VPS39: variants seen among roughly 807,000 people sequenced by gnomAD.
VPS39 encodes VPS39 subunit of HOPS complex.
A neutral mutation model predicts 121.0 loss-of-function variants in VPS39; 70 were observed. The ratio of observed to expected loss-of-function variants is 0.58; its 90% CI spans 0.48 to 0.71. The LOEUF is 0.71. Among genes scored for constraint, VPS39 ranks in the 30% least tolerant of loss-of-function variants. The pLI, the probability that VPS39 is intolerant of heterozygous loss-of-function variation, is 0.00. For missense variants in VPS39, 818 were observed against 1,051.5 expected (o/e 0.78, Z 3.07); for synonymous variants, 378 against 398.1 (o/e 0.95, Z 0.60).
intron 1 of VPS39, among the ~76,000 whole-genome samples, chr15:42,202,660 C>A (rs150531932): frequency 6.6e-6 from 1 of 152,196 alleles, no homozygotes; most frequent in Non-Finnish European, 1.5e-5. Flanking sequence ...CTCTGTCCCC[C>A]AAATCCCTGC....
At chr15:42,163,816 C>T in intron 19 of VPS39, 88 bp from the exon 20 acceptor site, 1 of 852,840 alleles carries the variant, frequency 1.2e-6, no homozygotes, top group South Asian at 1.8e-5. Context: ...GGACACGAGG[C>T]AATATAAAGG....
At chr15:42,204,178 G>A (rs1595690311) in intron 1 of VPS39, among the ~76,000 whole-genome samples, 1 of 152,196 alleles carries the variant, frequency 6.6e-6, no homozygotes, top group Non-Finnish European at 1.5e-5. Context: ...TAAGATAGTA[G>A]TCACTTCCCT....
rs531849209 is a variant in VPS39, at chr15:42,179,315, A to G, written c.719-745T>C. 3.9e-5 allele frequency among the ~76,000 whole-genome samples: 6 copies of G among 152,120 alleles called. No homozygotes were observed. In the South Asian group the frequency reaches 1.0e-3, roughly 26 times the overall value. On this transcript the variant is annotated intron_variant, in intron 8 of 24. Transcript: ENST00000318006. ...CCGGGTGCAGTGGCTCACGCCTGTA[A>G]TCCTAGCACTTTGGGAGGCTGAGGC...
intron 1 of VPS39, among the ~76,000 whole-genome samples, chr15:42,205,187 T>C (rs904045726): frequency 6.6e-6 from 1 of 152,262 alleles, no homozygotes; most frequent in Middle Eastern, 3.4e-3. Flanking sequence ...GATATAGCAA[T>C]GCAGAAAACA....
intron 4 of VPS39, among the ~76,000 whole-genome samples, chr15:42,190,021 C>G (rs1022932833): frequency 6.6e-6 from 1 of 151,840 alleles, no homozygotes; most frequent in Admixed American, 6.6e-5. Flanking sequence ...CCCTGTGTTG[C>G]CCAGGCTGGT....
intron 1 of VPS39, among the ~76,000 whole-genome samples, chr15:42,202,999 G>A (rs540981587): frequency 2.0e-5 from 3 of 151,874 alleles, no homozygotes; most frequent in African/African-American, 7.3e-5. Context: ...CTTGCCAATA[G>A]ATTTTTTAAT....
chr15:42,194,430 T>TGC (rs1273102786), intron 2 of VPS39, among the ~76,000 whole-genome samples: 1 of 151,988 alleles, frequency 6.6e-6, no homozygotes, highest in African/African-American at 2.4e-5. Context: ...GCCGAGATTA[T>TGC]GCCATTGCAT....
At chr15:42,185,680 G>C (rs190894674) in intron 7 of VPS39, among the ~76,000 whole-genome samples, 43 of 152,244 alleles carry the variant, frequency 2.8e-4, no homozygotes, top group African/African-American at 9.1e-4. Context: ...TTCTGGAAAA[G>C]GCAAAGCTAT....
At chr15:42,167,305 A>T in intron 13 of VPS39, 89 bp downstream of exon 13, 1 of 1,480,144 alleles carries the variant, frequency 6.8e-7, no homozygotes, top group East Asian at 2.3e-5. Flanking sequence ...TACTAATGGC[A>T]GGTCCCTCAG....
In VPS39 at chr15:42,162,325, T is replaced by A. The variant is rs538987817; in HGVS notation, c.2325+7A>T. ...CACCCTCCATCTCCCTAGGAACAAC[T>A]CCTGACCTTGGTGGTGTCCAGTTTG... On this transcript the variant is annotated splice_region_variant and intron_variant, in intron 22 of 24. Transcript: ENST00000318006. 8.1e-6 allele frequency: 13 copies of A among 1,607,214 alleles called. No homozygotes were observed. In the South Asian group the frequency reaches 1.2e-4, roughly 15 times the overall value.
At position 42,187,752 on chromosome 15, in the gene VPS39, A is replaced by C; in HGVS notation, c.441+6T>G. 6.2e-7 allele frequency: 1 copy of C among 1,614,060 alleles called. No individual in the cohort carries two copies. Among genetic ancestry groups the C allele is most frequent in the Non-Finnish European group, 8.5e-7 (1 of 1,179,920 alleles). On this transcript the variant is annotated splice_donor_region_variant and intron_variant, in intron 6 of 24. Coordinates refer to ENST00000318006, the MANE Select transcript of VPS39 (RefSeq NM_015289.5). Reference sequence around the variant, plus strand: ...CCAACCATGGACCAAGGAACAGTGGACTTACCTGCAATTCATGAAATTCCC... The same window carrying C: ...CCAACCATGGACCAAGGAACAGTGGCCTTACCTGCAATTCATGAAATTCCC...
At position 42,160,696 on chromosome 15, in the gene VPS39, C is replaced by G. The variant is rs2049110201; in HGVS notation, c.*58G>C. On this transcript the variant is annotated 3_prime_UTR_variant, in exon 25 of 25. Transcript: ENST00000318006. Reference sequence around the variant, plus strand: ...GCCAGGATTCCTAAGGCCAGGTGCTCCTTCACCTCTCTGGGAGAGCCAAGC... The same window carrying G: ...GCCAGGATTCCTAAGGCCAGGTGCTGCTTCACCTCTCTGGGAGAGCCAAGC... The G allele has an allele frequency of 6.6e-7, 1 of 1,515,772 alleles. No individual in the cohort carries two copies. Among genetic ancestry groups the G allele is most frequent in the Non-Finnish European group, 9.2e-7 (1 of 1,090,722 alleles). The allele number at this position is 1,515,772 out of a possible 1,614,324, so 93.9% of individuals were successfully genotyped here.
At chr15:42,178,076 G>A (rs1257039550) in intron 10 of VPS39, 142 bp downstream of exon 10, 2 of 1,049,736 alleles carry the variant, frequency 1.9e-6, no homozygotes, top group South Asian at 1.7e-5. Context: ...ATTTTACGGT[G>A]GAGTCAGACC....
intron 7 of VPS39, 145 bp downstream of exon 7, chr15:42,187,126 G>C: frequency 3.4e-6 from 2 of 590,864 alleles, no homozygotes; most frequent in Non-Finnish European, 5.8e-6. Context: ...AAAATGCTGA[G>C]CATGAATGAT....
At chr15:42,174,104 G>A (rs1378637590) in intron 10 of VPS39, among the ~76,000 whole-genome samples, 2 of 152,092 alleles carry the variant, frequency 1.3e-5, no homozygotes, top group African/African-American at 2.4e-5. Flanking sequence ...AAAATTAGCT[G>A]GGCGTGGTGG....
chr15:42,204,726 A>G (rs2050135723), intron 1 of VPS39, among the ~76,000 whole-genome samples: 2 of 152,204 alleles, frequency 1.3e-5, no homozygotes, highest in African/African-American at 4.8e-5. Flanking sequence ...ACATTCATGT[A>G]GTTCCAAAGC....
At chr15:42,165,455 G>A in intron 17 of VPS39, 2 of 466,660 alleles carry the variant, frequency 4.3e-6, no homozygotes, top group Non-Finnish European at 7.6e-6. Flanking sequence ...GTTTCGCTTT[G>A]GAATTTTTTT....
At chr15:42,163,881 A>C (rs2049189805) in intron 19 of VPS39, among the ~76,000 whole-genome samples, 153 bp from the exon 20 acceptor site, 1 of 152,158 alleles carries the variant, frequency 6.6e-6, no homozygotes, top group Admixed American at 6.5e-5. Flanking sequence ...AAATAACTGA[A>C]GTTTAAAAAA....
chr15:42,193,937 G>GA (rs1460996317), intron 2 of VPS39, among the ~76,000 whole-genome samples: 3 of 151,130 alleles, frequency 2.0e-5, no homozygotes, highest in African/African-American at 7.3e-5. Flanking sequence ...AATACTCCCT[G>GA]AAAAAAGTAG....
Sources: gnomAD v4.1 joint callset for allele counts (sites outside exome capture counted in the v4.1 genomes callset) on GRCh38, gnomAD v4.1.1 for gene constraint, MANE v1.5 for transcripts, NCBI Gene and HGNC (gene_info 2026-07-23, HGNC 2026-07-21) for gene names.